Variants in ABCC9 observed in about 807,000 individuals in gnomAD.
ABCC9 encodes ATP binding cassette subfamily C member 9, also known as ATP-binding cassette sub-family C member 9.
In ABCC9, 95 loss-of-function variants were observed where a neutral mutation model predicts 188.3. That is an observed-to-expected ratio of 0.50 (90% CI 0.43 to 0.60). The LOEUF is 0.60. ABCC9 is among the 20% of genes least tolerant of loss of function. ABCC9 has a pLI of 0.00. For missense variants in ABCC9, 1,102 were observed against 1,876.3 expected (o/e 0.59, Z 7.62); for synonymous variants, 659 against 652.7 (o/e 1.01, Z -0.15).
chr12:21,845,816 TTCC>T lies in ABCC9; in HGVS notation c.2880_2882del (p.Glu961del). 1 of 1,613,428 alleles carries T rather than the reference TTCC, an allele frequency of 6.2e-7. No individual in the cohort carries two copies. Among genetic ancestry groups the T allele is most frequent in the African/African-American group, 1.3e-5 (1 of 75,042 alleles). On this transcript the variant is annotated inframe_deletion, in exon 26 of 40. Transcript: ENST00000261200. Reference sequence around the variant, plus strand: ...CAGTGGACATGTTATCATCCTCATCTTCCTCCTCTTCTTCCTCTACATACAAAA... The same window carrying T: ...CAGTGGACATGTTATCATCCTCATCTTCCTCTTCTTCCTCTACATACAAAA...
Position 21,838,182 on chromosome 12 carries a change from A to G in ABCC9, c.3474-12T>C, listed in dbSNP as rs764599328. 2 of 1,578,644 alleles carry G rather than the reference A, an allele frequency of 1.3e-6. No homozygotes were observed. Among genetic ancestry groups the G allele is most frequent in the East Asian group, 2.2e-5 (1 of 44,688 alleles). ...GTTCCTGGAGGTCCCTAGTAGAGAG[A>G]GGGGCAAAAATAAACTTCATGTGCA... On this transcript the variant is annotated splice_polypyrimidine_tract_variant and intron_variant, in intron 29 of 39. Coordinates refer to ENST00000261200, the MANE Select transcript of ABCC9 (RefSeq NM_020297.4).
In ABCC9 at chr12:21,883,725, A is replaced by ATTT. The variant is rs3062606; in HGVS notation, c.1912-855_1912-853dup. ...GATTGACAAAAGCATAAAGATCTAGATTTTTTTTTGTCCAAAGATATTACA... is the reference window on the plus strand; with the variant it reads ...GATTGACAAAAGCATAAAGATCTAGATTTTTTTTTTTTGTCCAAAGATATTACA... On this transcript the variant is annotated intron_variant, in intron 15 of 39. Coordinates refer to ENST00000261200, the MANE Select transcript of ABCC9 (RefSeq NM_020297.4). 2.2e-3 allele frequency among the ~76,000 whole-genome samples: 327 copies of ATTT among 151,182 alleles called. 1 individual carries two copies. The highest frequency in any genetic ancestry group is 7.3e-3 in the African/African-American group (303 of 41,320).
chr12:21,912,395 A>G (rs1178601300), intron 8 of ABCC9, among the ~76,000 whole-genome samples: 1 of 152,056 alleles, frequency 6.6e-6, no homozygotes, highest in Non-Finnish European at 1.5e-5. Flanking sequence ...AAATATCATA[A>G]TGTGACTTGC....
At chr12:21,886,200 T>TAC (rs1386628945) in intron 15 of ABCC9, among the ~76,000 whole-genome samples, 2 of 152,118 alleles carry the variant, frequency 1.3e-5, no homozygotes, top group African/African-American at 4.8e-5. Context: ...AATGCTTATG[T>TAC]CTCTTCTTGG....
chr12:21,841,516 G>A (rs919737123), intron 29 of ABCC9, among the ~76,000 whole-genome samples: 4 of 151,470 alleles, frequency 2.6e-5, no homozygotes, highest in East Asian at 1.9e-4. Flanking sequence ...GTGCCACCAC[G>A]CCTGGCTAAT....
At position 21,851,568 on chromosome 12, in the gene ABCC9, A is replaced by C. The variant is rs1452888532; in HGVS notation, c.2769+529T>G. ...CTTTGTGGACTTCAAAAAAAGTACA[A>C]ATGTAAAATTTTATTTTTATTTCCT... is the stretch of plus-strand genomic sequence containing the variant. On this transcript the variant is annotated intron_variant, in intron 24 of 39. Transcript: ENST00000261200. 2.6e-5 allele frequency among the ~76,000 whole-genome samples: 4 copies of C among 152,184 alleles called. No homozygotes were observed. The East Asian group carries it at 7.7e-4, about 29-fold the overall frequency.
At chr12:21,934,989 G>C (rs1419192474) in intron 3 of ABCC9, among the ~76,000 whole-genome samples, 5 of 152,024 alleles carry the variant, frequency 3.3e-5, no homozygotes, top group Non-Finnish European at 5.9e-5. Context: ...CCTAGTACCT[G>C]ATAGTTTTTA....
intron 15 of ABCC9, among the ~76,000 whole-genome samples, chr12:21,883,462 A>G (rs983878441): frequency 6.6e-6 from 1 of 152,144 alleles, no homozygotes; most frequent in African/African-American, 2.4e-5. Context: ...GCCTTCCACC[A>G]TGTTTGTGAG....
Position 21,915,927 on chromosome 12 carries a change from T to C in ABCC9, c.574-17A>G. 1 of 1,606,392 alleles carries C rather than the reference T, an allele frequency of 6.2e-7. No individual in the cohort carries two copies. Among genetic ancestry groups the C allele is most frequent in the Non-Finnish European group, 8.5e-7 (1 of 1,173,892 alleles). On this transcript the variant is annotated splice_polypyrimidine_tract_variant and intron_variant, in intron 6 of 39. Coordinates refer to ENST00000261200, the MANE Select transcript of ABCC9 (RefSeq NM_020297.4). Reference sequence around the variant, plus strand: ...TACATATCTCTGTGGCAAGAAAAATTCCACAGTATAACAATTAGTCCAATT... The same window carrying C: ...TACATATCTCTGTGGCAAGAAAAATCCCACAGTATAACAATTAGTCCAATT...
At chr12:21,862,187 TTCCAACTGAC>T (rs1945551249) in intron 20 of ABCC9, among the ~76,000 whole-genome samples, 3 of 152,148 alleles carry the variant, frequency 2.0e-5, no homozygotes, top group Admixed American at 1.3e-4. Flanking sequence ...TGGATAATTA[TTCCAACTGAC>T]TCCTAAATGT....
intron 30 of ABCC9, among the ~76,000 whole-genome samples, chr12:21,836,825 A>T (rs1260321732): frequency 6.6e-6 from 1 of 152,230 alleles, no homozygotes. Context: ...GTTGGAAAGG[A>T]CAGATAACTT....
At chr12:21,854,222 A>G (rs1945113005) in intron 22 of ABCC9, among the ~76,000 whole-genome samples, 1 of 152,238 alleles carries the variant, frequency 6.6e-6, no homozygotes, top group Admixed American at 6.5e-5. Flanking sequence ...AAGTTAGAAT[A>G]AATTTATGTA....
intron 17 of ABCC9, among the ~76,000 whole-genome samples, chr12:21,873,443 T>C (rs542396207): frequency 3.9e-5 from 6 of 152,274 alleles, no homozygotes; most frequent in African/African-American, 1.4e-4. Context: ...AAAAGACTTC[T>C]GGGCTTAGGG....
chr12:21,830,746 G>C (rs1943706829), intron 30 of ABCC9, among the ~76,000 whole-genome samples: 2 of 152,122 alleles, frequency 1.3e-5, no homozygotes. Flanking sequence ...AGCAATCATA[G>C]CTAAATAGTT....
At chr12:21,806,891 A>G (rs1565681594) in intron 38 of ABCC9, among the ~76,000 whole-genome samples, 1 of 152,180 alleles carries the variant, frequency 6.6e-6, no homozygotes, top group Non-Finnish European at 1.5e-5. Context: ...AAACACATAG[A>G]GAAGACTGTT....
intron 20 of ABCC9, among the ~76,000 whole-genome samples, chr12:21,861,441 A>C (rs1323071108): frequency 6.6e-6 from 1 of 152,130 alleles, no homozygotes; most frequent in Non-Finnish European, 1.5e-5. Flanking sequence ...CATGTTGCCC[A>C]GGGTGGTTTC....
intron 35 of ABCC9, among the ~76,000 whole-genome samples, chr12:21,813,426 A>G (rs779939380): frequency 2.0e-5 from 3 of 152,146 alleles, no homozygotes; most frequent in Non-Finnish European, 4.4e-5. Context: ...AGCTTAACCT[A>G]TGTCTTTCAG....
At chr12:21,836,023 A>G (rs1030085983) in intron 30 of ABCC9, among the ~76,000 whole-genome samples, 8 of 152,178 alleles carry the variant, frequency 5.3e-5, no homozygotes, top group African/African-American at 1.7e-4. Context: ...TACTCTTCAC[A>G]TTCAATTTGC....
intron 25 of ABCC9, among the ~76,000 whole-genome samples, chr12:21,846,837 G>T (rs1296837049): frequency 6.6e-6 from 1 of 152,002 alleles, no homozygotes; most frequent in East Asian, 1.9e-4. Context: ...GTTGTCCATG[G>T]CTGCCCAGCT....
Sources: allele counts gnomAD v4.1 joint callset (sites outside exome capture counted in the v4.1 genomes callset), GRCh38; gene constraint gnomAD v4.1.1; transcripts MANE v1.5; gene names NCBI Gene and HGNC (gene_info 2026-07-23, HGNC 2026-07-21).